ADAMTSL1: variants seen among roughly 807,000 people sequenced by gnomAD.
The protein encoded by ADAMTSL1 is ADAMTS-like protein 1.
A neutral mutation model predicts 201.8 loss-of-function variants in ADAMTSL1; 126 were observed. The ratio of observed to expected loss-of-function variants is 0.62; its 90% CI spans 0.54 to 0.72. ADAMTSL1 has a LOEUF of 0.72. Ranked by LOEUF, ADAMTSL1 falls within the 30% of genes least tolerant of loss-of-function variation. ADAMTSL1 has a pLI of 0.00. For synonymous variants in ADAMTSL1, 1,121 were observed against 903.4 expected (o/e 1.24, Z -4.32); for missense variants, 2,679 against 2,277.8 (o/e 1.18, Z -3.59).
At chr9:18,665,320 C>T (rs1829365297) in intron 9 of ADAMTSL1, among the ~76,000 whole-genome samples, 1 of 152,036 alleles carries the variant, frequency 6.6e-6, no homozygotes, top group Admixed American at 6.6e-5. Context: ...AAACATTATA[C>T]ATTTGAACTA....
chr9:18,843,624 GA>G (rs2131332237), intron 23 of ADAMTSL1, among the ~76,000 whole-genome samples: 1 of 150,890 alleles, frequency 6.6e-6, no homozygotes, highest in Non-Finnish European at 1.5e-5. Context: ...ATATCCTGCA[GA>G]GTGTTTTCCA....
Position 18,837,597 on chromosome 9 carries a change from C to G in ADAMTSL1, c.4249+7620C>G, listed in dbSNP as rs140662692. 2.1e-3 allele frequency among the ~76,000 whole-genome samples: 321 copies of G among 152,360 alleles called. 4 individuals are homozygous for G. The highest frequency in any genetic ancestry group is 7.3e-3 in the African/African-American group (305 of 41,586). On this transcript the variant is annotated intron_variant, in intron 23 of 28. Transcript: ENST00000380548. ...TAAGTGGTTCTTCCCCTACTTCACA[C>G]ACATGCCACCAATACGCATTCTGCG... is the stretch of plus-strand genomic sequence containing the variant.
chr9:18,562,075 T>C (rs1042489464), intron 3 of ADAMTSL1, among the ~76,000 whole-genome samples: 1 of 152,200 alleles, frequency 6.6e-6, no homozygotes, highest in Non-Finnish European at 1.5e-5. Context: ...TGATGCCAGC[T>C]GGTTATTTTG....
chr9:18,512,502 A>G (rs1818095469), intron 2 of ADAMTSL1, among the ~76,000 whole-genome samples: 2 of 152,100 alleles, frequency 1.3e-5, no homozygotes, highest in Admixed American at 6.5e-5. Flanking sequence ...TATCTCCTCA[A>G]TTTTAATTCA....
intron 9 of ADAMTSL1, among the ~76,000 whole-genome samples, chr9:18,672,271 G>A (rs193055947): frequency 2.0e-5 from 3 of 151,646 alleles, no homozygotes; most frequent in East Asian, 3.9e-4. Context: ...TTGAAGTAAC[G>A]CATGGAATTT....
chr9:18,073,474 C>T (rs745406449), intron 1 of ADAMTSL1, among the ~76,000 whole-genome samples: 21 of 152,146 alleles, frequency 1.4e-4, no homozygotes, highest in African/African-American at 5.1e-4. Flanking sequence ...TACACATTTA[C>T]AGAGGAAATT....
At chr9:18,064,940 A>G in intron 1 of ADAMTSL1, among the ~76,000 whole-genome samples, 1 of 136,930 alleles carries the variant, frequency 7.3e-6, no homozygotes, top group East Asian at 2.2e-4. Context: ...TTCAGAAAGC[A>G]GTATTTGCTA....
At position 18,878,588 on chromosome 9, in the gene ADAMTSL1, G is replaced by C. The variant is rs549764173; in HGVS notation, c.4250-9243G>C. ...GGTTCCCCAGTGAGGATGTGCATTTGGGAGCAGATTCTCACCCTCTCACAC... is the reference window on the plus strand; with the variant it reads ...GGTTCCCCAGTGAGGATGTGCATTTCGGAGCAGATTCTCACCCTCTCACAC... On this transcript the variant is annotated intron_variant, in intron 23 of 28. Transcript: ENST00000380548. 5.9e-5 allele frequency among the ~76,000 whole-genome samples: 9 copies of C among 152,330 alleles called. No individual in the cohort carries two copies. In the East Asian group the frequency reaches 1.4e-3, roughly 23 times the overall value.
chr9:18,776,633 T>C, intron 18 of ADAMTSL1, 148 bp from the exon 19 acceptor site: 1 of 971,368 alleles, frequency 1.0e-6, no homozygotes, highest in Non-Finnish European at 1.5e-6. Context: ...CGAAGAATAC[T>C]TTCTCTCCCG....
chr9:18,005,817 C>G (rs940232375), intron 1 of ADAMTSL1, among the ~76,000 whole-genome samples: 1 of 152,028 alleles, frequency 6.6e-6, no homozygotes, highest in Non-Finnish European at 1.5e-5. Context: ...CCAGTTCAAA[C>G]ATGGCCTCTT....
chr9:18,383,445 G>C (rs1837646954), intron 2 of ADAMTSL1, among the ~76,000 whole-genome samples: 1 of 152,070 alleles, frequency 6.6e-6, no homozygotes, highest in Non-Finnish European at 1.5e-5. Context: ...TCTGATCATG[G>C]GGTCATCAGC....
intron 1 of ADAMTSL1, among the ~76,000 whole-genome samples, chr9:18,003,151 G>A (rs1213318812): frequency 6.6e-6 from 1 of 151,970 alleles, no homozygotes; most frequent in Non-Finnish European, 1.5e-5. Context: ...CACTGTGGTA[G>A]CCTCTAGACC....
intron 1 of ADAMTSL1, among the ~76,000 whole-genome samples, chr9:18,102,604 C>A (rs16936316): frequency 1.3e-5 from 2 of 152,182 alleles, no homozygotes; most frequent in Admixed American, 6.5e-5. Flanking sequence ...GATGTGGGAG[C>A]AGGTCATGAA....
intron 2 of ADAMTSL1, among the ~76,000 whole-genome samples, chr9:18,366,695 G>A (rs1037723721): frequency 3.1e-5 from 4 of 128,376 alleles, no homozygotes; most frequent in Non-Finnish European, 6.2e-5. Context: ...TGTCACCCAG[G>A]CTGGAGTGCA....
chr9:18,000,194 T>C (rs539801096), intron 1 of ADAMTSL1, among the ~76,000 whole-genome samples: 1 of 151,230 alleles, frequency 6.6e-6, no homozygotes, highest in African/African-American at 2.4e-5. Flanking sequence ...ACTTCCACAA[T>C]GGTTGAACTA....
chr9:18,533,047 C>G (rs957832365), intron 2 of ADAMTSL1, among the ~76,000 whole-genome samples, 200 bp from the exon 3 acceptor site: 1 of 151,650 alleles, frequency 6.6e-6, no homozygotes, highest in African/African-American at 2.4e-5. Flanking sequence ...TAGTTTCAAC[C>G]CTTATAGAGA....
At chr9:18,227,459 C>T (rs756233885) in intron 2 of ADAMTSL1, among the ~76,000 whole-genome samples, 28 of 152,160 alleles carry the variant, frequency 1.8e-4, no homozygotes, top group Non-Finnish European at 2.8e-4. Context: ...TATAAACTCA[C>T]GGCAAGGTAG....
intron 1 of ADAMTSL1, among the ~76,000 whole-genome samples, chr9:18,076,596 T>G (rs573642219): frequency 3.9e-5 from 6 of 152,256 alleles, no homozygotes; most frequent in African/African-American, 1.4e-4. Context: ...TGGTTATGAG[T>G]GCTTTGAGCA....
At chr9:18,495,840 G>A (rs1415506552) in intron 1 of ADAMTSL1, among the ~76,000 whole-genome samples, 1 of 152,152 alleles carries the variant, frequency 6.6e-6, no homozygotes, top group Non-Finnish European at 1.5e-5. Flanking sequence ...GCAATTTTAA[G>A]TGACTGGATA....
Sources: allele counts gnomAD v4.1 joint callset (sites outside exome capture counted in the v4.1 genomes callset), GRCh38; gene constraint gnomAD v4.1.1; transcripts MANE v1.5; gene names NCBI Gene and HGNC (gene_info 2026-07-23, HGNC 2026-07-21).